The following BCL9L variants were observed in gnomAD, a reference collection of about 807,000 sequenced individuals.
BCL9L encodes the protein B-cell CLL/lymphoma 9-like protein.
BCL9L carries 19 observed loss-of-function variants against 99.4 expected under a neutral mutation model. The observed-to-expected ratio is 0.19, with a 90% CI of 0.13 to 0.28. The LOEUF (loss-of-function observed/expected upper bound fraction) is 0.28. BCL9L is among the 10% of genes least tolerant of loss of function. The probability of loss-of-function intolerance (pLI) is 1.00; values close to 1 mark genes in which losing one functional copy is unlikely to be tolerated. For synonymous variants in BCL9L, 900 were observed against 854.8 expected, an observed-to-expected ratio of 1.05 and a Z score of -0.92; for missense variants, 2,023 against 2,101.6, an observed-to-expected ratio of 0.96 and a Z score of 0.73.
chr11:118,913,086 G>T (rs1940857662), intron 2 of BCL9L, among the ~76,000 whole-genome samples: 1 of 152,176 alleles, frequency 6.6e-6, no homozygotes, highest in South Asian at 2.1e-4. Context: ...GTGCTGCTCT[G>T]GGACCCTCGA....
In BCL9L at chr11:118,901,335, G is replaced by T; in HGVS notation, c.2408C>A (p.Pro803His). 1 of 1,613,666 alleles carries T rather than the reference G, an allele frequency of 6.2e-7. No individual in the cohort carries two copies. Among genetic ancestry groups the T allele is most frequent in the South Asian group, 1.1e-5 (1 of 91,090 alleles). ...GCCCTGGGGCCCCATCAAGTCCCCA[G>T]GGCCCCGCATCTTCTGCGACATCAG... The part of the protein sequence containing the change: ...QMLMSQKMRG[P>H]GDLMGPQGLS... The change falls in exon 8 of 10, where the codon CCT (proline) becomes CAT (histidine). Residue 803 changes from proline (P) to histidine (H), a missense_variant. By Grantham distance (77) the Pro-to-His change is moderately conservative (BLOSUM62 -2). Around this residue, in one of 3 missense-constraint regions of BCL9L, gnomAD observed 1,116 missense variants for 1,194.6 expected, o/e 0.93. Coordinates refer to ENST00000683865, the MANE Select transcript of BCL9L (RefSeq NM_001378213.1). The surrounding 1 kb of genome is among the most constrained non-coding windows in gnomAD (Gnocchi z 6.6).
At position 118,900,661 on chromosome 11, in the gene BCL9L, G is replaced by A; in HGVS notation, c.3082C>T (p.Leu1028Phe). Residue 1028 changes from leucine to phenylalanine, a missense_variant, in exon 8 of 10, where the codon CTC becomes TTC. By Grantham distance (22) the Leu-to-Phe change is conservative. Transcript: ENST00000683865. This position sits in a 1 kb window ranked among gnomAD's most constrained non-coding sequence, Gnocchi z 5.3. ...AGGGTGGTGGAAGAGTTCATGTTGAGAGGCGGCTGCTTGTTCTGGGAGACC... is the reference window on the plus strand; with the variant it reads ...AGGGTGGTGGAAGAGTTCATGTTGAAAGGCGGCTGCTTGTTCTGGGAGACC... ...PGVSQNKQPP[L>F]NMNSSTTLSN... The A allele has an allele frequency of 6.2e-7, 1 of 1,612,968 alleles. No homozygotes were observed. Among genetic ancestry groups the A allele is most frequent in the Non-Finnish European group, 8.5e-7 (1 of 1,179,486 alleles).
chr11:118,908,017 T>C (rs940022066), intron 4 of BCL9L, among the ~76,000 whole-genome samples: 2 of 152,290 alleles, frequency 1.3e-5, no homozygotes, highest in Middle Eastern at 3.4e-3. Context: ...TCTGGAGCTC[T>C]GGTGGGAAAG....
Position 118,921,008 on chromosome 11 carries a change from G to A in BCL9L, c.-130-2129C>T, listed in dbSNP as rs1941121905. On this transcript the variant is annotated intron_variant, in intron 1 of 9. Transcript: ENST00000683865. This position sits in a 1 kb window ranked among gnomAD's most constrained non-coding sequence, Gnocchi z 5.4. ...ACGCACATACACGTGGACGAGACACGCCCCCAGCACACACACTCTCCAGAG... is the reference window on the plus strand; with the variant it reads ...ACGCACATACACGTGGACGAGACACACCCCCAGCACACACACTCTCCAGAG... 6.6e-6 allele frequency among the ~76,000 whole-genome samples: 1 copy of A among 152,020 alleles called. No homozygotes were observed. The highest frequency in any genetic ancestry group is 1.5e-5 in the Non-Finnish European group (1 of 68,004).
Position 118,898,492 on chromosome 11 carries a change from G to C in BCL9L, c.4423C>G (p.Arg1475Gly). Residue 1475 changes from arginine (R) to glycine (G), a missense_variant, in exon 10 of 10, where the codon CGG becomes GGG. Physicochemically the swap from Arg to Gly is moderately radical, Grantham distance 125. This residue lies in a region of BCL9L where 902 missense variants were observed against 888.2 expected (regional missense o/e 1.02). Coordinates refer to ENST00000683865, the MANE Select transcript of BCL9L (RefSeq NM_001378213.1). Reference sequence around the variant, plus strand: ...CTGTCCAGGGACACACTGCGCTGCCGAAGGGGGTGGGACACCATGAGGTTC... The same window carrying C: ...CTGTCCAGGGACACACTGCGCTGCCCAAGGGGGTGGGACACCATGAGGTTC... ...QQNLMVSHPL[R>G]QRSVSLDSQM... is the part of the protein sequence containing the mutation. 6.2e-7 allele frequency: 1 copy of C among 1,603,432 alleles called. No homozygotes were observed. The highest frequency in any genetic ancestry group is 8.5e-7 in the Non-Finnish European group (1 of 1,172,366).
In BCL9L at chr11:118,925,729, CCGG is replaced by C. The variant is rs1941262314; in HGVS notation, c.-625_-623del. The C allele has an allele frequency of 6.7e-6, 1 of 150,266 alleles. No homozygotes were observed. Among genetic ancestry groups the C allele is most frequent in the Non-Finnish European group, 1.5e-5 (1 of 67,450 alleles). The allele number at this position is 150,266 out of a possible 1,614,324, so 9.3% of individuals were successfully genotyped here. A position where few individuals can be genotyped will look rare whatever the true frequency, so the allele number is the denominator to read the frequency against. ...ACTCCGAGGGTCCGGGTCACAGCCC[CCGG>C]GCGGCGCGGCGCCGGGGGACCCAGG... On this transcript the variant is annotated 5_prime_UTR_variant, in exon 1 of 10. Transcript: ENST00000683865. This position sits in a 1 kb window ranked among gnomAD's most constrained non-coding sequence, Gnocchi z 6.4.
chr11:118,908,472 C>T lies in BCL9L; in HGVS notation c.210G>A (p.Val70=). ...QNVNQGPTCN[V]GSKGVGAGNH... The stretch of plus-strand genomic sequence containing the variant: ...TCCCCGCCCCCACGCCCTTCGAGCC[C>T]ACGTTGCAGGTGGGTCCTTGGTTCA... Residue 70 remains valine (V), a synonymous_variant, in exon 4 of 10, where the codon GTG becomes GTA. Coordinates refer to ENST00000683865, the MANE Select transcript of BCL9L (RefSeq NM_001378213.1). 6.2e-7 allele frequency: 1 copy of T among 1,614,162 alleles called. No homozygotes were observed. Among genetic ancestry groups the T allele is most frequent in the East Asian group, 2.2e-5 (1 of 44,874 alleles).
At chr11:118,915,312 C>A (rs545158560) in intron 2 of BCL9L, among the ~76,000 whole-genome samples, 5 of 152,184 alleles carry the variant, frequency 3.3e-5, no homozygotes, top group South Asian at 2.1e-4. Flanking sequence ...GACACACCAG[C>A]CCTTGACAAA....
rs371597835 is a variant in BCL9L at position 118,903,431 on chromosome 11, G to A, written c.554C>T (p.Ala185Val). The change falls in exon 6 of 10, where the codon GCC (alanine) becomes GTC (valine). Residue 185 changes from alanine to valine, a missense_variant. Transcript: ENST00000683865. This position sits in a 1 kb window ranked among gnomAD's most constrained non-coding sequence, Gnocchi z 5.6. ...GGGACCCAGCTGTGGGGCCGCCATG[G>A]CTGGGTCTGCTACATTACAATCTGC... ...ATHNCNVADP[A>V]MAAPQLGPGQ... The A allele has an allele frequency of 9.9e-5, 160 of 1,613,276 alleles. No homozygotes were observed. Among genetic ancestry groups the A allele is most frequent in the Admixed American group, 2.3e-4 (14 of 59,976 alleles).
In BCL9L at chr11:118,901,501, G is replaced by GGCCCCGGCCTCCACCAGA; in HGVS notation, c.2241_2242insTCTGGTGGAGGCCGGGGC (p.Gly747_Leu748insSerGlyGlyGlyArgGly). ...GACTGCCCCATGGGAGGGCTCAGGA[G>GGCCCCGGCCTCCACCAGA]GCCCCGGCCTCCACCAAACTCCATG... On this transcript the variant is annotated inframe_insertion, in exon 8 of 10. Transcript: ENST00000683865. The surrounding 1 kb of genome is among the most constrained non-coding windows in gnomAD (Gnocchi z 6.6). The GGCCCCGGCCTCCACCAGA allele has an allele frequency of 6.2e-7, 1 of 1,614,118 alleles. No homozygotes were observed.
chr11:118,901,124 A>G lies in BCL9L; in HGVS notation c.2619T>C (p.Asp873=), dbSNP rs1940211329. Residue 873 remains aspartate (D), a synonymous_variant, in exon 8 of 10, where the codon GAT becomes GAC. Coordinates refer to ENST00000683865, the MANE Select transcript of BCL9L (RefSeq NM_001378213.1). This position sits in a 1 kb window ranked among gnomAD's most constrained non-coding sequence, Gnocchi z 6.6. ...CGTTGCTCATGGGCATTGAGCTCTGATCAGGGCTGAACATGTCTTGGGTAT... is the reference window on the plus strand; with the variant it reads ...CGTTGCTCATGGGCATTGAGCTCTGGTCAGGGCTGAACATGTCTTGGGTAT... The part of the protein sequence containing the change: ...MGNTQDMFSP[D]QSSMPMSNVG... 1 of 1,612,952 alleles carries G rather than the reference A, an allele frequency of 6.2e-7. No individual in the cohort carries two copies. The highest frequency in any genetic ancestry group is 1.3e-5 in the African/African-American group (1 of 74,992).
rs565277336 is a variant in BCL9L, at chr11:118,898,032, G to C, written c.*383C>G. Reference sequence around the variant, plus strand: ...GAGACAGGAGCAGAAGGGGCTGGGGGAGACCTGACCTGTCCTTCCTCTCTC... The same window carrying C: ...GAGACAGGAGCAGAAGGGGCTGGGGCAGACCTGACCTGTCCTTCCTCTCTC... On this transcript the variant is annotated 3_prime_UTR_variant, in exon 10 of 10. Transcript: ENST00000683865. 8 of 419,350 alleles carry C rather than the reference G, an allele frequency of 1.9e-5. No individual in the cohort carries two copies. The highest frequency in any genetic ancestry group is 1.4e-4 in the Admixed American group (4 of 29,608). The allele number at this position is 419,350 out of a possible 1,614,324, so 26.0% of individuals were successfully genotyped here. A position where few individuals can be genotyped will look rare whatever the true frequency, so the allele number is the denominator to read the frequency against.
In BCL9L at chr11:118,908,258, G is replaced by C. The variant is rs775143124; in HGVS notation, c.412+12C>G. The C allele has an allele frequency of 1.3e-6, 2 of 1,535,994 alleles. No individual in the cohort carries two copies. Among genetic ancestry groups the C allele is most frequent in the Admixed American group, 2.0e-5 (1 of 48,820 alleles). On this transcript the variant is annotated intron_variant, in intron 4 of 9. Coordinates refer to ENST00000683865, the MANE Select transcript of BCL9L (RefSeq NM_001378213.1). ...GAGATGCTAGGGTCTTAGGGATGAG[G>C]AAATGGGGTACCTTTGGCCTCTGAA... is the stretch of plus-strand genomic sequence containing the variant.
chr11:118,899,403 G>A lies in BCL9L; in HGVS notation c.3512C>T (p.Pro1171Leu), dbSNP rs774438263. Residue 1171 changes from proline to leucine, a missense_variant, in exon 10 of 10, where the codon CCG (proline) becomes CTG (leucine). Around this residue, in one of 3 missense-constraint regions of BCL9L, gnomAD observed 902 missense variants for 888.2 expected, o/e 1.02. Transcript: ENST00000683865. The stretch of plus-strand genomic sequence containing the variant: ...GGTGGGGGAGGGCAGCATGGCGGGC[G>A]GGGGCTCATGGGACAGGGGCTGCTG... ...PGQQPLSHEP[P>L]PAMLPSPTPL... The A allele has an allele frequency of 1.3e-5, 20 of 1,588,392 alleles. No homozygotes were observed. The highest frequency in any genetic ancestry group is 7.2e-5 in the Admixed American group (4 of 55,776).
Position 118,914,933 on chromosome 11 carries a change from C to A in BCL9L, c.-77+3893G>T, listed in dbSNP as rs953648865. Reference sequence around the variant, plus strand: ...CAGGTGGATCACGAGGTCAGGAGTTCAAGACCAGCCTGGCCATGATGGTGA... The same window carrying A: ...CAGGTGGATCACGAGGTCAGGAGTTAAAGACCAGCCTGGCCATGATGGTGA... On this transcript the variant is annotated intron_variant, in intron 2 of 9. Coordinates refer to ENST00000683865, the MANE Select transcript of BCL9L (RefSeq NM_001378213.1). This position sits in a 1 kb window ranked among gnomAD's most constrained non-coding sequence, Gnocchi z 4.4. 6.6e-6 allele frequency among the ~76,000 whole-genome samples: 1 copy of A among 152,174 alleles called. No homozygotes were observed. Among genetic ancestry groups the A allele is most frequent in the Non-Finnish European group, 1.5e-5 (1 of 68,010 alleles).
At chr11:118,909,826 C>A in intron 3 of BCL9L, 88 bp downstream of exon 3, 1 of 1,603,922 alleles carries the variant, frequency 6.2e-7, no homozygotes, top group South Asian at 1.1e-5. Context: ...CCTCTCCTGG[C>A]CAGCACAGCT....
Position 118,903,505 on chromosome 11 carries a change from C to CCAGCTGATG in BCL9L, c.533-62_533-54dup. ...CTAAGTGGTCTAGATACAAGAAGGA[C>CCAGCTGATG]CAGCTGATGCCCCCTCCCACTGATG... On this transcript the variant is annotated intron_variant, in intron 5 of 9. Coordinates refer to ENST00000683865, the MANE Select transcript of BCL9L (RefSeq NM_001378213.1). This position sits in a 1 kb window ranked among gnomAD's most constrained non-coding sequence, Gnocchi z 5.6. 6.4e-7 allele frequency: 1 copy of CCAGCTGATG among 1,562,448 alleles called. No homozygotes were observed. Among genetic ancestry groups the CCAGCTGATG allele is most frequent in the Non-Finnish European group, 8.8e-7 (1 of 1,139,730 alleles).
At chr11:118,915,149 T>C (rs1394084441) in intron 2 of BCL9L, among the ~76,000 whole-genome samples, 2 of 151,990 alleles carry the variant, frequency 1.3e-5, no homozygotes, top group African/African-American at 4.8e-5. Context: ...AAAACCAAGT[T>C]TGTAGTCAGA....
chr11:118,923,038 G>A (rs1414300626), intron 1 of BCL9L, among the ~76,000 whole-genome samples: 1 of 151,908 alleles, frequency 6.6e-6, no homozygotes, highest in East Asian at 1.9e-4. Flanking sequence ...CCTGGAGGAG[G>A]GGCTGCAGAG....
Sources: gnomAD v4.1 joint callset for allele counts (sites outside exome capture counted in the v4.1 genomes callset) on GRCh38, gnomAD v4.1.1 for gene constraint, gnomAD v4.1.1 regional missense constraint, Gnocchi (gnomAD v3.1) non-coding constraint, MANE v1.5 for transcripts, NCBI Gene and HGNC (gene_info 2026-07-23, HGNC 2026-07-21) for gene names.